The following DGKB variants were observed in gnomAD, a reference collection of about 807,000 sequenced individuals.
DGKB encodes 90 kDa diacylglycerol kinase.
DGKB carries 67 observed loss-of-function variants against 114.3 expected under a neutral mutation model. That is an observed-to-expected ratio of 0.59 (90% CI 0.48 to 0.72). DGKB has a LOEUF of 0.72. Among genes scored for constraint, DGKB ranks in the 30% least tolerant of loss-of-function variants. The pLI is 0.00. For missense variants in DGKB, 907 were observed against 975.2 expected (o/e 0.93, Z 0.93); for synonymous variants, 398 against 323.1 (o/e 1.23, Z -2.49).
rs935625922 is a variant in DGKB at position 14,888,763 on chromosome 7, T to C, written c.-188+13829A>G. ...TGAAAATTGTCAGGGTAGAACATTG[T>C]TGTGAAATTAAGTTTCAAAGTTGGC... On this transcript the variant is annotated intron_variant, in intron 1 of 25. Transcript: ENST00000402815. Among the ~76,000 whole-genome samples the C allele has an allele frequency of 7.9e-5, 12 of 151,742 alleles. No individual in the cohort carries two copies. The Admixed American group carries it at 7.9e-4, about 10-fold the overall frequency.
chr7:14,641,839 G>A (rs1231904124), intron 13 of DGKB, among the ~76,000 whole-genome samples: 2 of 151,878 alleles, frequency 1.3e-5, no homozygotes, highest in Admixed American at 1.3e-4. Flanking sequence ...TAATGTTTAT[G>A]TACATTTATT....
chr7:14,697,316 A>G (rs890143715), intron 8 of DGKB, among the ~76,000 whole-genome samples: 2 of 152,186 alleles, frequency 1.3e-5, no homozygotes, highest in African/African-American at 4.8e-5. Flanking sequence ...CAAAAGGGAA[A>G]AAAAATAGTG....
At chr7:14,918,835 G>C (rs1190465453) in intron 1 of DGKB, among the ~76,000 whole-genome samples, 1 of 151,882 alleles carries the variant, frequency 6.6e-6, no homozygotes, top group Non-Finnish European at 1.5e-5. Flanking sequence ...GAGGCCGAGG[G>C]GGGCGGATCA....
At chr7:14,624,141 G>A (rs541104468) in intron 14 of DGKB, among the ~76,000 whole-genome samples, 3 of 152,130 alleles carry the variant, frequency 2.0e-5, no homozygotes, top group African/African-American at 7.2e-5. Flanking sequence ...CAGTGGTTAC[G>A]TCAGGAACAT....
intron 1 of DGKB, among the ~76,000 whole-genome samples, chr7:14,921,996 A>C (rs1784527374): frequency 6.6e-6 from 1 of 152,184 alleles, no homozygotes. Flanking sequence ...CAGAACTGTA[A>C]AAATCTTTAC....
chr7:14,838,675 C>T (rs556665033), intron 2 of DGKB, among the ~76,000 whole-genome samples: 23 of 152,090 alleles, frequency 1.5e-4, no homozygotes, highest in African/African-American at 5.6e-4. Flanking sequence ...ACACCAATAC[C>T]CTACTAACTA....
chr7:14,846,679 G>A (rs751470610), intron 1 of DGKB, among the ~76,000 whole-genome samples: 22 of 152,202 alleles, frequency 1.4e-4, no homozygotes, highest in Non-Finnish European at 2.8e-4. Flanking sequence ...CACTTTGCTG[G>A]CTTTTAGCAA....
At chr7:14,830,556 A>C (rs1846273591) in intron 2 of DGKB, among the ~76,000 whole-genome samples, 1 of 152,038 alleles carries the variant, frequency 6.6e-6, no homozygotes, top group Non-Finnish European at 1.5e-5. Context: ...TTCATTTTCC[A>C]CTGACCTCAG....
At chr7:14,799,083 T>A (rs150032932) in intron 2 of DGKB, among the ~76,000 whole-genome samples, 2 of 152,196 alleles carry the variant, frequency 1.3e-5, no homozygotes, top group African/African-American at 4.8e-5. Context: ...TGGAGAATGA[T>A]AGTGCATTAT....
chr7:14,680,886 A>T (rs1049998164), intron 12 of DGKB, among the ~76,000 whole-genome samples: 5 of 152,018 alleles, frequency 3.3e-5, no homozygotes, highest in African/African-American at 1.2e-4. Flanking sequence ...TTTAAGAACT[A>T]AAAAAGAAAA....
intron 6 of DGKB, among the ~76,000 whole-genome samples, chr7:14,716,707 G>A (rs577037842): frequency 3.7e-4 from 56 of 152,130 alleles, no homozygotes; most frequent in Middle Eastern, 3.4e-3. Flanking sequence ...GAGGAAGATT[G>A]ATTGTTATTT....
At chr7:14,282,008 A>G (rs1800035629) in intron 23 of DGKB, among the ~76,000 whole-genome samples, 1 of 114,720 alleles carries the variant, frequency 8.7e-6, no homozygotes, top group African/African-American at 3.4e-5. Context: ...AAATAACTAA[A>G]ATCAGAGCAG....
intron 20 of DGKB, among the ~76,000 whole-genome samples, chr7:14,497,156 A>C (rs749456639): frequency 2.0e-5 from 3 of 151,690 alleles, no homozygotes; most frequent in Admixed American, 6.6e-5. Flanking sequence ...AGGCATACAG[A>C]GTAGTATATT....
chr7:14,857,672 C>T (rs1291550191), intron 1 of DGKB, among the ~76,000 whole-genome samples: 4 of 151,882 alleles, frequency 2.6e-5, no homozygotes, highest in African/African-American at 9.7e-5. Flanking sequence ...CAATAAACTG[C>T]CTATTTATAT....
intron 13 of DGKB, among the ~76,000 whole-genome samples, chr7:14,644,857 C>T (rs1298744734): frequency 6.6e-6 from 1 of 152,110 alleles, no homozygotes; most frequent in African/African-American, 2.4e-5. Context: ...ACTCAATAAT[C>T]CTCAAATAGA....
At chr7:14,843,511 T>G (rs1229012578) in intron 1 of DGKB, among the ~76,000 whole-genome samples, 2 of 151,048 alleles carry the variant, frequency 1.3e-5, no homozygotes, top group African/African-American at 4.9e-5. Context: ...ATTTTTTGTA[T>G]TTTTAGTAGA....
intron 21 of DGKB, among the ~76,000 whole-genome samples, chr7:14,367,393 T>C (rs573810843): frequency 1.3e-5 from 2 of 152,034 alleles, no homozygotes; most frequent in Admixed American, 1.3e-4. Flanking sequence ...TCTCACGAGA[T>C]CTGATGGTTT....
chr7:14,324,052 A>G (rs993044922), intron 23 of DGKB, among the ~76,000 whole-genome samples: 4 of 152,204 alleles, frequency 2.6e-5, no homozygotes, highest in African/African-American at 4.8e-5. Flanking sequence ...GCAGTTAATC[A>G]AGACATTAGT....
chr7:14,179,892 CT>C (rs1199869383), intron 23 of DGKB, among the ~76,000 whole-genome samples: 9 of 152,168 alleles, frequency 5.9e-5, no homozygotes, highest in African/African-American at 2.2e-4. Context: ...AGACTTATTT[CT>C]CATGAAACTT....
Sources: allele counts gnomAD v4.1 joint callset (sites outside exome capture counted in the v4.1 genomes callset), GRCh38; gene constraint gnomAD v4.1.1; transcripts MANE v1.5; gene names NCBI Gene and HGNC (gene_info 2026-07-23, HGNC 2026-07-21).